Variants in IQCH observed in about 807,000 individuals in gnomAD.
IQCH encodes IQ motif containing H.
In IQCH, 98 loss-of-function variants were observed where a neutral mutation model predicts 117.0. That is an observed-to-expected ratio of 0.84 (90% CI 0.71 to 0.99). The LOEUF (loss-of-function observed/expected upper bound fraction) is 0.99, where lower values mean the gene tolerates loss of function less well. IQCH is among the 50% of genes least tolerant of loss of function. The pLI, the probability that IQCH is intolerant of heterozygous loss-of-function variation, is 0.00. For missense variants in IQCH, 1,102 were observed against 1,243.8 expected (o/e 0.89, Z 1.72); for synonymous variants, 412 against 448.2 (o/e 0.92, Z 1.02).
At chr15:67,488,633 A>G (rs745597955) in intron 18 of IQCH, among the ~76,000 whole-genome samples, 49 of 152,222 alleles carry the variant, frequency 3.2e-4, no homozygotes, top group Non-Finnish European at 5.9e-4. Context: ...GACTGGTTTC[A>G]TGGAAGACAA....
intron 16 of IQCH, among the ~76,000 whole-genome samples, chr15:67,460,522 C>G (rs2082765910): frequency 6.6e-6 from 1 of 152,206 alleles, no homozygotes; most frequent in African/African-American, 2.4e-5. Context: ...TTTTTAGCCA[C>G]TGCCAAAACG....
At chr15:67,323,932 A>G (rs1255445016) in intron 4 of IQCH, among the ~76,000 whole-genome samples, 3 of 136,008 alleles carry the variant, frequency 2.2e-5, no homozygotes, top group African/African-American at 8.0e-5. Flanking sequence ...ATGTTTTTTA[A>G]GCATTTCTTT....
chr15:67,410,857 C>A (rs2081431786), intron 14 of IQCH, among the ~76,000 whole-genome samples: 1 of 152,212 alleles, frequency 6.6e-6, no homozygotes, highest in Non-Finnish European at 1.5e-5. Context: ...CCAGACTGAG[C>A]ACTTGTGCCT....
chr15:67,497,587 G>A (rs1201851741), intron 20 of IQCH, among the ~76,000 whole-genome samples: 2 of 151,958 alleles, frequency 1.3e-5, no homozygotes, highest in African/African-American at 2.4e-5. Flanking sequence ...TCTGCCTTCT[G>A]GGTTCAAGCA....
intron 4 of IQCH, among the ~76,000 whole-genome samples, chr15:67,279,941 G>A (rs566721451): frequency 2.6e-5 from 4 of 152,182 alleles, no homozygotes; most frequent in Admixed American, 1.3e-4. Context: ...GCGTGAACCC[G>A]GGAGGCGGAA....
intron 3 of IQCH, among the ~76,000 whole-genome samples, chr15:67,275,465 GTT>G (rs1172740245): frequency 1.3e-5 from 2 of 151,946 alleles, no homozygotes; most frequent in Non-Finnish European, 2.9e-5. Context: ...ATGTATGTTT[GTT>G]TTTAGTTTTC....
chr15:67,354,048 CT>C (rs2140724872), intron 6 of IQCH, among the ~76,000 whole-genome samples: 1 of 152,184 alleles, frequency 6.6e-6, no homozygotes, highest in East Asian at 1.9e-4. Flanking sequence ...TTTTACCAAC[CT>C]TAACAGGTCA....
chr15:67,298,303 C>T (rs975475028), intron 4 of IQCH, among the ~76,000 whole-genome samples: 21 of 87,476 alleles, frequency 2.4e-4, no homozygotes, highest in African/African-American at 6.9e-4. Context: ...GAGCAAGACT[C>T]GGTCTAAAAA....
rs2082583108 is a variant in IQCH, at chr15:67,453,461, C to T, written c.2506-11666C>T. Among the ~76,000 whole-genome samples the T allele has an allele frequency of 6.6e-6, 1 of 152,214 alleles. No individual in the cohort carries two copies. Among genetic ancestry groups the T allele is most frequent in the African/African-American group, 2.4e-5 (1 of 41,444 alleles). ...TTCTAACAGACAGGAACCTCAGCTG[C>T]AAGTCTGTTGGAGTTTGCTAGAAGT... On this transcript the variant is annotated intron_variant, in intron 16 of 20. Transcript: ENST00000335894. The surrounding 1 kb of genome is among the most constrained non-coding windows in gnomAD (Gnocchi z 5.8).
intron 1 of IQCH, among the ~76,000 whole-genome samples, chr15:67,257,994 C>A (rs1415475660): frequency 6.6e-6 from 1 of 152,086 alleles, no homozygotes; most frequent in Non-Finnish European, 1.5e-5. Context: ...TTTTGGGAGG[C>A]TGAGGCGGAT....
chr15:67,392,454 A>G (rs1971317983), intron 12 of IQCH, among the ~76,000 whole-genome samples: 1 of 152,174 alleles, frequency 6.6e-6, no homozygotes, highest in African/African-American at 2.4e-5. Context: ...TGAGTTTCCT[A>G]GAACTGCATC....
intron 4 of IQCH, among the ~76,000 whole-genome samples, chr15:67,301,550 C>T (rs1967042873): frequency 6.6e-6 from 1 of 151,736 alleles, no homozygotes; most frequent in African/African-American, 2.4e-5. Flanking sequence ...GCTGGGACCA[C>T]AGGCGCACGC....
intron 18 of IQCH, among the ~76,000 whole-genome samples, chr15:67,487,429 A>AAT: frequency 6.7e-6 from 1 of 148,198 alleles, no homozygotes. Flanking sequence ...ACTTAAGGAA[A>AAT]ACACACACAC....
chr15:67,283,484 T>G (rs1463560340), intron 4 of IQCH, among the ~76,000 whole-genome samples: 3 of 152,142 alleles, frequency 2.0e-5, no homozygotes, highest in Non-Finnish European at 4.4e-5. Flanking sequence ...TTTATGTTTA[T>G]CAAATGGGAT....
At chr15:67,299,078 CAAAA>C (rs36031731) in intron 4 of IQCH, among the ~76,000 whole-genome samples, 10 of 107,074 alleles carry the variant, frequency 9.3e-5, no homozygotes, top group African/African-American at 3.3e-4. Context: ...TATATTCAGC[CAAAA>C]AAAAAAAAAA....
intron 16 of IQCH, among the ~76,000 whole-genome samples, chr15:67,439,845 G>A (rs529934173): frequency 8.2e-4 from 119 of 144,258 alleles, no homozygotes; most frequent in Middle Eastern, 7.1e-3. Context: ...CCGAGATCAC[G>A]CCATTGCACT....
In IQCH at chr15:67,453,787, C is replaced by T. The variant is rs2082592151; in HGVS notation, c.2506-11340C>T. On this transcript the variant is annotated intron_variant, in intron 16 of 20. Coordinates refer to ENST00000335894, the MANE Select transcript of IQCH (RefSeq NM_001031715.3). The surrounding 1 kb of genome is among the most constrained non-coding windows in gnomAD (Gnocchi z 5.8). ...ACATTTAAGTCTGCAGAGGTTACTG[C>T]TGTCTTTTTGTTTGTCTGTGCCCTG... Among the ~76,000 whole-genome samples, 1 of 152,236 alleles carries T rather than the reference C, an allele frequency of 6.6e-6. No homozygotes were observed. The highest frequency in any genetic ancestry group is 2.4e-5 in the African/African-American group (1 of 41,460).
intron 20 of IQCH, among the ~76,000 whole-genome samples, chr15:67,498,442 C>A (rs991156351): frequency 2.0e-5 from 3 of 151,870 alleles, no homozygotes; most frequent in African/African-American, 7.3e-5. Flanking sequence ...ATGGTGAAAA[C>A]CCCGTCTTTA....
intron 6 of IQCH, among the ~76,000 whole-genome samples, chr15:67,350,613 A>T (rs1394016469): frequency 6.6e-6 from 1 of 151,982 alleles, no homozygotes; most frequent in Non-Finnish European, 1.5e-5. Context: ...TTTTCAGTAG[A>T]GATGGGGTTT....
Sources: gnomAD v4.1 joint callset for allele counts (sites outside exome capture counted in the v4.1 genomes callset) on GRCh38, gnomAD v4.1.1 for gene constraint, Gnocchi (gnomAD v3.1) non-coding constraint, MANE v1.5 for transcripts, NCBI Gene and HGNC (gene_info 2026-07-23, HGNC 2026-07-21) for gene names.